The following OTOGL variants were observed in gnomAD, a reference collection of about 807,000 sequenced individuals.
OTOGL encodes otogelin like.
OTOGL carries 285 observed loss-of-function variants against 318.5 expected under a neutral mutation model. The ratio of observed to expected loss-of-function variants is 0.89; its 90% confidence interval spans 0.81 to 0.99. The LOEUF (loss-of-function observed/expected upper bound fraction) is 0.99, where lower values mean the gene tolerates loss of function less well. Ranked by LOEUF, OTOGL falls within the 50% of genes least tolerant of loss-of-function variation. OTOGL has a pLI of 0.00. For synonymous variants in OTOGL, 987 were observed against 936.5 expected (o/e 1.05, Z -0.99); for missense variants, 2,899 against 2,845.6 (o/e 1.02, Z -0.43).
At chr12:80,354,944 T>G (rs918795361) in intron 46 of OTOGL, among the ~76,000 whole-genome samples, 1 of 152,182 alleles carries the variant, frequency 6.6e-6, no homozygotes, top group Non-Finnish European at 1.5e-5. Flanking sequence ...CTTTTAGATT[T>G]TAAAGCAGAA....
intron 18 of OTOGL, among the ~76,000 whole-genome samples, chr12:80,259,458 G>A (rs1882343690): frequency 6.6e-6 from 1 of 151,926 alleles, no homozygotes; most frequent in African/African-American, 2.4e-5. Flanking sequence ...GTGGTTTGCT[G>A]CACCTATCAA....
chr12:80,335,092 A>G (rs962044810), intron 38 of OTOGL, among the ~76,000 whole-genome samples: 3 of 152,146 alleles, frequency 2.0e-5, no homozygotes, highest in African/African-American at 7.2e-5. Context: ...AAATGAAAAA[A>G]GATACTTTAT....
chr12:80,357,716 CAT>C (rs1467087964), intron 49 of OTOGL, among the ~76,000 whole-genome samples: 1 of 152,110 alleles, frequency 6.6e-6, no homozygotes, highest in Non-Finnish European at 1.5e-5. Flanking sequence ...ACTCAAATTC[CAT>C]CCAAAGGGAT....
At chr12:80,374,562 C>A (rs748903799) in intron 57 of OTOGL, among the ~76,000 whole-genome samples, 2 of 152,042 alleles carry the variant, frequency 1.3e-5, no homozygotes, top group Non-Finnish European at 2.9e-5. Context: ...CAAATATAAA[C>A]TAATATGAAT....
At chr12:80,366,853 A>AT (rs1263119910) in intron 53 of OTOGL, among the ~76,000 whole-genome samples, 3 of 151,760 alleles carry the variant, frequency 2.0e-5, no homozygotes, top group Non-Finnish European at 4.4e-5. Flanking sequence ...AAATATAAAT[A>AT]TTTTTTCAGA....
At chr12:80,349,161 C>G (rs971001222) in intron 44 of OTOGL, among the ~76,000 whole-genome samples, 3 of 151,810 alleles carry the variant, frequency 2.0e-5, no homozygotes, top group Admixed American at 6.6e-5. Flanking sequence ...CGAGCAGAAA[C>G]TCTGGAGTGT....
chr12:80,292,876 G>A (rs1242297466), intron 26 of OTOGL, among the ~76,000 whole-genome samples: 2 of 152,120 alleles, frequency 1.3e-5, no homozygotes, highest in Non-Finnish European at 2.9e-5. Context: ...TGATTCTGGT[G>A]TAATTTTAAC....
intron 16 of OTOGL, 54 bp from the exon 17 acceptor site, chr12:80,256,283 C>A (rs1287982880): frequency 6.5e-7 from 1 of 1,545,452 alleles, no homozygotes; most frequent in Admixed American, 1.7e-5. Context: ...CTGTCTCTTT[C>A]TATGGCTCTC....
chr12:80,208,352 G>A, intron 1 of OTOGL: 1 of 407,550 alleles, frequency 2.5e-6, no homozygotes, highest in Non-Finnish European at 4.8e-6. Context: ...AGAAGTCATT[G>A]CAGAAGAGTT....
rs990889970 is a variant in OTOGL, at chr12:80,357,057, A to G, written c.6019+143A>G. 6 of 469,468 alleles carry G rather than the reference A, an allele frequency of 1.3e-5. No individual in the cohort carries two copies. In the South Asian group the frequency reaches 3.4e-4, roughly 27 times the overall value. The allele number at this position is 469,468 out of a possible 1,614,324, so 29.1% of individuals were successfully genotyped here. On this transcript the variant is annotated intron_variant, in intron 49 of 58. Transcript: ENST00000547103. Reference sequence around the variant, plus strand: ...CAACTGAATGAGAACTCTTGTAAAGAAAGTATGACATTTTAAATGACTAGA... The same window carrying G: ...CAACTGAATGAGAACTCTTGTAAAGGAAGTATGACATTTTAAATGACTAGA...
intron 37 of OTOGL, among the ~76,000 whole-genome samples, chr12:80,330,713 T>C (rs1395329650): frequency 6.6e-6 from 1 of 152,226 alleles, no homozygotes. Context: ...TTTGCAGATG[T>C]CATGATCTTA....
chr12:80,253,746 A>G (rs540451158), intron 14 of OTOGL, among the ~76,000 whole-genome samples, 172 bp downstream of exon 14: 1 of 152,262 alleles, frequency 6.6e-6, no homozygotes, highest in South Asian at 2.1e-4. Flanking sequence ...ATTTCCTTTT[A>G]TGATGTAATT....
chr12:80,262,904 A>G (rs559217479), intron 19 of OTOGL, among the ~76,000 whole-genome samples: 124 of 152,132 alleles, frequency 8.2e-4, no homozygotes, highest in Non-Finnish European at 1.3e-3. Flanking sequence ...ATTTGGATGT[A>G]GTTTTTAAAA....
chr12:80,356,355 C>A, intron 47 of OTOGL, 61 bp from the exon 48 acceptor site: 1 of 1,305,796 alleles, frequency 7.7e-7, no homozygotes, highest in Non-Finnish European at 1.1e-6. Flanking sequence ...CATTTCCCTG[C>A]TTTGAGTTGG....
At position 80,336,781 on chromosome 12, in the gene OTOGL, C is replaced by CTTT; in HGVS notation, c.4744-7_4744-5dup. 2 of 1,241,392 alleles carry CTTT rather than the reference C, an allele frequency of 1.6e-6. No individual in the cohort carries two copies. Among genetic ancestry groups the CTTT allele is most frequent in the South Asian group, 1.5e-5 (1 of 67,094 alleles). 76.9% of individuals were successfully genotyped at this position (1,241,392 alleles called of 1,614,324 possible). Reference sequence around the variant, plus strand: ...TCAAATAATGCATTTAAAAGTATTTCTTTTTTTTTTTCCAGAATGGAAACT... The same window carrying CTTT: ...TCAAATAATGCATTTAAAAGTATTTCTTTTTTTTTTTTTTCCAGAATGGAAACT... On this transcript the variant is annotated splice_polypyrimidine_tract_variant and intron_variant, in intron 40 of 58. Coordinates refer to ENST00000547103, the MANE Select transcript of OTOGL (RefSeq NM_001378609.3).
intron 11 of OTOGL, among the ~76,000 whole-genome samples, chr12:80,243,850 TAC>T (rs894684898): frequency 2.2e-4 from 30 of 133,760 alleles, no homozygotes; most frequent in Admixed American, 1.7e-3. Flanking sequence ...TAATCATATA[TAC>T]ATATATATAT....
Position 80,252,106 on chromosome 12 carries a change from G to A in OTOGL, c.1190G>A (p.Arg397Gln), listed in dbSNP as rs747186265. ...AAATGTGATGATAGCTTTGTCCATC[G>A]GGACTGTATCAGTTGTTGTCCACCA... ...TDKCDDSFVHRDCISCCPPTC... is the reference protein window; with the variant it reads ...TDKCDDSFVHQDCISCCPPTC... Residue 397 changes from arginine (R) to glutamine (Q), a missense_variant, in exon 13 of 59, where the codon CGG (arginine) becomes CAG (glutamine). Arg to Gln is a conservative substitution (Grantham distance 43). Transcript: ENST00000547103. The A allele has an allele frequency of 2.7e-5, 42 of 1,555,994 alleles. No individual in the cohort carries two copies. The highest frequency in any genetic ancestry group is 4.1e-5 in the African/African-American group (3 of 73,440).
At chr12:80,126,775 A>T (rs1274739801) in intron 1 of OTOGL, among the ~76,000 whole-genome samples, 3 of 152,114 alleles carry the variant, frequency 2.0e-5, no homozygotes, top group Non-Finnish European at 2.9e-5. Context: ...TGTTGAATTG[A>T]TCCCTTTACC....
chr12:80,271,622 C>A, intron 23 of OTOGL, 26 bp from the exon 24 acceptor site: 1 of 1,603,688 alleles, frequency 6.2e-7, no homozygotes, highest in Non-Finnish European at 8.5e-7. Flanking sequence ...AAGTTAAGGA[C>A]ATTTTGTCTG....
Sources: allele counts gnomAD v4.1 joint callset (sites outside exome capture counted in the v4.1 genomes callset), GRCh38; gene constraint gnomAD v4.1.1; transcripts MANE v1.5; gene names NCBI Gene and HGNC (gene_info 2026-07-23, HGNC 2026-07-21).